Variants in SLC24A2 observed in about 807,000 individuals in gnomAD.
SLC24A2 encodes the protein sodium/potassium/calcium exchanger 2.
A neutral mutation model predicts 62.0 loss-of-function variants in SLC24A2; 36 were observed. That is an observed-to-expected ratio of 0.58 (90% confidence interval 0.44 to 0.77). The LOEUF is 0.77. SLC24A2 is among the 30% of genes least tolerant of loss of function. The probability of loss-of-function intolerance (pLI) is 0.00; values close to 1 mark genes in which losing one functional copy is unlikely to be tolerated. For synonymous variants in SLC24A2, 358 were observed against 294.0 expected, an observed-to-expected ratio of 1.22 and a Z score of -2.23; for missense variants, 846 against 817.9, an observed-to-expected ratio of 1.03 and a Z score of -0.42.
At chr9:19,881,763 G>A in the SLC24A2 span, among the ~76,000 whole-genome samples, 1 of 152,110 alleles carries the variant, frequency 6.6e-6, no homozygotes, top group African/African-American at 2.4e-5. Flanking sequence ...TAATACCACT[G>A]TCTTATTACA....
At chr9:19,838,992 C>T in the SLC24A2 span, among the ~76,000 whole-genome samples, 4 of 152,098 alleles carry the variant, frequency 2.6e-5, no homozygotes, top group African/African-American at 9.7e-5. Flanking sequence ...ATCTGCTCAT[C>T]TGACAAAGGG....
At chr9:20,098,823 TCA>T in the SLC24A2 span, among the ~76,000 whole-genome samples, 2 of 152,240 alleles carry the variant, frequency 1.3e-5, no homozygotes, top group African/African-American at 4.8e-5. Context: ...GAAAAATCTC[TCA>T]CAGTTTCTTT....
At chr9:19,920,540 G>A in the SLC24A2 span, among the ~76,000 whole-genome samples, 1 of 152,068 alleles carries the variant, frequency 6.6e-6, no homozygotes, top group Non-Finnish European at 1.5e-5. Context: ...AACCAGCATT[G>A]GGTACGCTGA....
intron 2 of SLC24A2, among the ~76,000 whole-genome samples, chr9:19,684,993 A>G (rs1006848421): frequency 1.3e-5 from 2 of 152,110 alleles, no homozygotes; most frequent in Admixed American, 6.6e-5. Flanking sequence ...AAATAACTCC[A>G]GCAAAGTTTC....
At chr9:20,303,641 G>A in the SLC24A2 span, among the ~76,000 whole-genome samples, 64 of 152,266 alleles carry the variant, frequency 4.2e-4, no homozygotes, top group African/African-American at 1.1e-3. Context: ...CTTGAAGATC[G>A]TCCAACCCTT....
At chr9:20,168,900 G>A in the SLC24A2 span, among the ~76,000 whole-genome samples, 10 of 151,878 alleles carry the variant, frequency 6.6e-5, no homozygotes, top group South Asian at 4.1e-4. Context: ...GCATTTGTTC[G>A]CCAATGTTCA....
At chr9:20,204,372 A>C in the SLC24A2 span, among the ~76,000 whole-genome samples, 46 of 152,252 alleles carry the variant, frequency 3.0e-4, no homozygotes, top group Non-Finnish European at 1.3e-4. Flanking sequence ...TTTGCCTTAT[A>C]AACAGAAGAA....
chr9:19,864,337 T>C, the SLC24A2 span, among the ~76,000 whole-genome samples: 2 of 151,550 alleles, frequency 1.3e-5, no homozygotes, highest in Admixed American at 6.6e-5. Flanking sequence ...AGACCAGTAT[T>C]ACCCTGATAC....
the SLC24A2 span, among the ~76,000 whole-genome samples, chr9:19,975,792 C>G: frequency 9.9e-5 from 15 of 151,862 alleles, no homozygotes; most frequent in African/African-American, 3.6e-4. Flanking sequence ...TGGCTTTAAC[C>G]CTGTATAGGT....
chr9:19,623,128 T>C (rs10757082), intron 2 of SLC24A2, among the ~76,000 whole-genome samples: 114,343 of 152,092 alleles, frequency 0.75, 43,078 homozygotes, highest in East Asian at 0.87. Flanking sequence ...TTTACTTCCT[T>C]AACTCAATGG....
the SLC24A2 span, among the ~76,000 whole-genome samples, chr9:19,956,049 A>G: frequency 6.6e-6 from 1 of 152,198 alleles, no homozygotes; most frequent in Non-Finnish European, 1.5e-5. Flanking sequence ...CACATTAAGA[A>G]CTGGCTGCAG....
chr9:20,144,780 G>A, the SLC24A2 span, among the ~76,000 whole-genome samples: 3 of 151,836 alleles, frequency 2.0e-5, no homozygotes, highest in Admixed American at 6.6e-5. Context: ...TGCCTCGTTC[G>A]GTGCTATATT....
In SLC24A2 at chr9:19,573,529, C is replaced by CACACACACACAGAG. The variant is rs1390433234; in HGVS notation, c.1229-61_1229-60insCTCTGTGTGTGTGT. On this transcript the variant is annotated intron_variant, in intron 6 of 10. Coordinates refer to ENST00000341998, the MANE Select transcript of SLC24A2 (RefSeq NM_020344.4). ...ACACACACACACACACACACACACA[C>CACACACACACAGAG]AGAGAGAGAGAGAGAGAGAGAGAGA... 7 of 432,764 alleles carry CACACACACACAGAG rather than the reference C, an allele frequency of 1.6e-5. No individual in the cohort carries two copies. In the East Asian group the frequency reaches 1.9e-4, roughly 12 times the overall value. 26.8% of individuals were successfully genotyped at this position (432,764 alleles called of 1,614,324 possible). A position where few individuals can be genotyped will look rare whatever the true frequency, so the allele number is the denominator to read the frequency against.
At chr9:20,257,031 T>A in the SLC24A2 span, among the ~76,000 whole-genome samples, 1 of 152,208 alleles carries the variant, frequency 6.6e-6, no homozygotes, top group Non-Finnish European at 1.5e-5. Flanking sequence ...CTTTGGTTAC[T>A]GAAAGCTTAA....
At chr9:19,736,182 G>C (rs560910911) in intron 2 of SLC24A2, among the ~76,000 whole-genome samples, 3 of 151,534 alleles carry the variant, frequency 2.0e-5, no homozygotes, top group Non-Finnish European at 4.4e-5. Flanking sequence ...TTTTAATAAC[G>C]GAATAATAAA....
At chr9:19,721,708 T>C (rs1821029365) in intron 2 of SLC24A2, among the ~76,000 whole-genome samples, 1 of 152,162 alleles carries the variant, frequency 6.6e-6, no homozygotes, top group South Asian at 2.1e-4. Flanking sequence ...GACTTTCTAA[T>C]GAAACAGTTC....
chr9:19,962,577 C>T, the SLC24A2 span, among the ~76,000 whole-genome samples: 1 of 152,082 alleles, frequency 6.6e-6, no homozygotes, highest in Non-Finnish European at 1.5e-5. Flanking sequence ...GAGGTCCTTC[C>T]CGTCCCTTGT....
the SLC24A2 span, among the ~76,000 whole-genome samples, chr9:20,298,716 C>G: frequency 1.3e-5 from 2 of 152,346 alleles, no homozygotes; most frequent in Admixed American, 1.3e-4. Context: ...TGTACTAAGT[C>G]ATTTAATCTT....
chr9:19,890,857 G>C, the SLC24A2 span, among the ~76,000 whole-genome samples: 1 of 152,010 alleles, frequency 6.6e-6, no homozygotes, highest in Non-Finnish European at 1.5e-5. Flanking sequence ...GGCTCCTCCA[G>C]TACCTTTCTC....
Sources: allele counts gnomAD v4.1 joint callset (sites outside exome capture counted in the v4.1 genomes callset), GRCh38; gene constraint gnomAD v4.1.1; transcripts MANE v1.5; gene names NCBI Gene and HGNC (gene_info 2026-07-23, HGNC 2026-07-21).